SEPTIN12: variants seen among roughly 807,000 people sequenced by gnomAD.
SEPTIN12 encodes septin 12, also known as septin-12.
In SEPTIN12, 42 loss-of-function variants were observed where a neutral mutation model predicts 37.7. The ratio of observed to expected loss-of-function variants is 1.11; its 90% confidence interval spans 0.87 to 1.44. SEPTIN12 has a LOEUF of 1.44. Among genes scored for constraint, SEPTIN12 ranks in the 40% most tolerant of loss-of-function variants. The pLI, the probability that SEPTIN12 is intolerant of heterozygous loss-of-function variation, is 0.00. For missense variants in SEPTIN12, 613 were observed against 479.2 expected (o/e 1.28, Z -2.61); for synonymous variants, 254 against 196.7 (o/e 1.29, Z -2.44).
chr16:4,791,440 A>G (rs578194182), upstream of SEPTIN12, among the ~76,000 whole-genome samples: 1 of 152,176 alleles, frequency 6.6e-6, no homozygotes, highest in Admixed American at 6.6e-5. Flanking sequence ...CGGCTCTGAC[A>G]TCGATGATCA....
chr16:4,790,440 T>G (rs904332805), upstream of SEPTIN12, among the ~76,000 whole-genome samples: 8 of 152,200 alleles, frequency 5.3e-5, no homozygotes, highest in African/African-American at 1.2e-4. Flanking sequence ...CTTCTGCCAG[T>G]TCTTCCTTCT....
At chr16:4,781,424 C>T (rs1177858648) in intron 7 of SEPTIN12, among the ~76,000 whole-genome samples, 2 of 152,046 alleles carry the variant, frequency 1.3e-5, no homozygotes, top group Admixed American at 6.6e-5. Context: ...AAACCCCATA[C>T]CTTTTAGCAA....
chr16:4,778,419 A>G (rs1311534150), intron 8 of SEPTIN12, among the ~76,000 whole-genome samples: 4 of 152,316 alleles, frequency 2.6e-5, no homozygotes, highest in South Asian at 2.1e-4. Context: ...CCACTGTAGG[A>G]CTTGAGCATC....
Position 4,786,110 on chromosome 16 carries a change from G to A in SEPTIN12, c.167-5C>T, listed in dbSNP as rs765325269. ...ACTTGCCCAGCCCGCTTTGCCCTGG[G>A]AGTGGCAACCGGATGACAGCAGTTA... is the stretch of plus-strand genomic sequence containing the variant. On this transcript the variant is annotated splice_region_variant and splice_polypyrimidine_tract_variant and intron_variant, in intron 2 of 9. Coordinates refer to ENST00000268231, the MANE Select transcript of SEPTIN12 (RefSeq NM_144605.5). 3 of 1,597,930 alleles carry A rather than the reference G, an allele frequency of 1.9e-6. No homozygotes were observed. Among genetic ancestry groups the A allele is most frequent in the African/African-American group, 2.7e-5 (2 of 74,480 alleles).
chr16:4,787,432 G>A (rs763863541), intron 2 of SEPTIN12, 48 bp downstream of exon 2: 12 of 1,578,408 alleles, frequency 7.6e-6, no homozygotes, highest in African/African-American at 2.7e-5. Flanking sequence ...GCCCAGGCAC[G>A]CGTAGCACTG....
At chr16:4,784,223 C>A (rs998379736) in intron 4 of SEPTIN12, 155 bp from the exon 5 acceptor site, 6 of 728,258 alleles carry the variant, frequency 8.2e-6, no homozygotes, top group African/African-American at 5.3e-5. Context: ...TCCCCCACTT[C>A]CCTGCATCAT....
Position 4,785,965 on chromosome 16 carries a change from C to T in SEPTIN12, c.292+15G>A, listed in dbSNP as rs896476354. 1 of 1,611,234 alleles carries T rather than the reference C, an allele frequency of 6.2e-7. No homozygotes were observed. Among genetic ancestry groups the T allele is most frequent in the African/African-American group, 1.3e-5 (1 of 74,770 alleles). ...GGGGCAGGGTGGGGTGAGGTGTGGG[C>T]AGGGGCTCACTCACCATGGGTCAGT... On this transcript the variant is annotated intron_variant, in intron 3 of 9. Transcript: ENST00000268231.
At chr16:4,786,857 A>G (rs922519976) in intron 2 of SEPTIN12, among the ~76,000 whole-genome samples, 4 of 151,618 alleles carry the variant, frequency 2.6e-5, no homozygotes, top group African/African-American at 9.7e-5. Flanking sequence ...TGTGTTGCCT[A>G]GGCTGGTCAT....
At chr16:4,789,738 C>T (rs188692664), upstream of SEPTIN12, among the ~76,000 whole-genome samples, 19 of 152,002 alleles carry the variant, frequency 1.2e-4, no homozygotes, top group Admixed American at 1.1e-3. Context: ...AGATTACAGA[C>T]GTGAACCACC....
chr16:4,784,319 G>T (rs983853932), intron 4 of SEPTIN12: 4 of 518,524 alleles, frequency 7.7e-6, no homozygotes, highest in African/African-American at 5.7e-5. Context: ...TTGCAAGTAA[G>T]GGAGGGGTGA....
chr16:4,787,278 T>C (rs1273916212), intron 2 of SEPTIN12, among the ~76,000 whole-genome samples: 1 of 152,174 alleles, frequency 6.6e-6, no homozygotes, highest in African/African-American at 2.4e-5. Flanking sequence ...ATTATAGGTG[T>C]GAGCCACCGC....
intron 7 of SEPTIN12, among the ~76,000 whole-genome samples, chr16:4,782,259 A>T (rs566757111): frequency 1.3e-5 from 2 of 151,964 alleles, no homozygotes; most frequent in African/African-American, 4.8e-5. Context: ...CTTGAACTGT[A>T]CACTTTTAAA....
chr16:4,781,703 G>A (rs1294124796), intron 7 of SEPTIN12, among the ~76,000 whole-genome samples: 1 of 148,512 alleles, frequency 6.7e-6, no homozygotes, highest in African/African-American at 2.5e-5. Context: ...GGGGTGCAAC[G>A]GTGTGATCTC....
chr16:4,777,865 G>C lies in SEPTIN12; in HGVS notation c.1009C>G (p.Gln337Glu). The change falls in exon 10 of 10, where the codon CAG becomes GAG. Residue 337 changes from glutamine (Q) to glutamate (E), a missense_variant. Physicochemically the swap from Gln to Glu is conservative, Grantham distance 29. Coordinates refer to ENST00000268231, the MANE Select transcript of SEPTIN12 (RefSeq NM_144605.5). ...WVNLAPASPG[Q>E]LTTPRTFKVC... The stretch of plus-strand genomic sequence containing the variant: ...TTGAAGGTCCGGGGGGTGGTCAGCT[G>C]TCCTGGGGAGGCCGGGGCCAGGTTC... The C allele has an allele frequency of 6.3e-7, 1 of 1,596,922 alleles. No homozygotes were observed. Among genetic ancestry groups the C allele is most frequent in the Non-Finnish European group, 8.5e-7 (1 of 1,172,554 alleles).
intron 6 of SEPTIN12, 28 bp downstream of exon 6, chr16:4,783,621 C>G (rs1567564261): frequency 1.9e-6 from 3 of 1,612,224 alleles, no homozygotes; most frequent in South Asian, 2.2e-5. Context: ...CCCCGCTGAC[C>G]CCAGCCCTGC....
chr16:4,782,058 C>A (rs2082378300), intron 7 of SEPTIN12, among the ~76,000 whole-genome samples: 1 of 145,154 alleles, frequency 6.9e-6, no homozygotes, highest in Non-Finnish European at 1.5e-5. Context: ...TCAAGCAATT[C>A]TCCTGCCTCA....
chr16:4,783,551 G>C lies in SEPTIN12; in HGVS notation c.637C>G (p.Gln213Glu), dbSNP rs2082396964. The C allele has an allele frequency of 6.2e-7, 1 of 1,613,904 alleles. No homozygotes were observed. The highest frequency in any genetic ancestry group is 8.5e-7 in the Non-Finnish European group (1 of 1,179,912). The stretch of plus-strand genomic sequence containing the variant: ...TCGATGCAGTGGGTCCTCAGGTTCT[G>C]CTGGATCTGGAGATCCCACACAGGT... ...EREAFRRRIQ[Q>E]NLRTHCIDVY... The change falls in exon 7 of 10, where the codon CAG (glutamine) becomes GAG (glutamate). Residue 213 changes from glutamine (Q) to glutamate (E), a missense_variant. Gln to Glu is a conservative substitution (Grantham distance 29, BLOSUM62 2). Coordinates refer to ENST00000268231, the MANE Select transcript of SEPTIN12 (RefSeq NM_144605.5).
Position 4,779,676 on chromosome 16 carries a change from G to C in SEPTIN12, c.823+14C>G, listed in dbSNP as rs1052365617. On this transcript the variant is annotated intron_variant, in intron 8 of 9. Transcript: ENST00000268231. ...TGACCCCACCTGCATCCTACCCAGG[G>C]GCCCCGCACTGACCTTCAATGATGC... The C allele has an allele frequency of 3.2e-6, 5 of 1,567,258 alleles. No individual in the cohort carries two copies. Among genetic ancestry groups the C allele is most frequent in the Non-Finnish European group, 4.4e-6 (5 of 1,137,654 alleles).
chr16:4,789,100 C>T (rs928616683), upstream of SEPTIN12, among the ~76,000 whole-genome samples: 2 of 151,936 alleles, frequency 1.3e-5, no homozygotes, highest in Admixed American at 6.6e-5. Flanking sequence ...CTCACTGCAA[C>T]CTCCGCCTCC....
Sources: gnomAD v4.1 joint callset for allele counts (sites outside exome capture counted in the v4.1 genomes callset) on GRCh38, gnomAD v4.1.1 for gene constraint, MANE v1.5 for transcripts, NCBI Gene and HGNC (gene_info 2026-07-23, HGNC 2026-07-21) for gene names.